Variants in DNAAF1 observed in about 807,000 individuals in gnomAD.
DNAAF1 encodes the protein dynein assembly factor 1, axonemal.
In DNAAF1, 65 loss-of-function variants were observed where a neutral mutation model predicts 71.1. The ratio of observed to expected loss-of-function variants is 0.91; its 90% CI spans 0.75 to 1.12. The LOEUF (loss-of-function observed/expected upper bound fraction) is 1.12, where lower values mean the gene tolerates loss of function less well. Ranked by LOEUF, DNAAF1 falls within the 50% of genes most tolerant of loss-of-function variation. The pLI, the probability that DNAAF1 is intolerant of heterozygous loss-of-function variation, is 0.00. For synonymous variants in DNAAF1, 414 were observed against 354.6 expected, an observed-to-expected ratio of 1.17 and a Z score of -1.88; for missense variants, 1,178 against 899.8, an observed-to-expected ratio of 1.31 and a Z score of -3.96.
intron 2 of DNAAF1, among the ~76,000 whole-genome samples, chr16:84,149,622 C>T (rs185249541): frequency 1.5e-4 from 21 of 140,748 alleles, no homozygotes; most frequent in Admixed American, 9.1e-4. Flanking sequence ...ACCCGGGAGG[C>T]GAAGGTTGCA....
chr16:84,154,819 G>T, intron 4 of DNAAF1, 21 bp downstream of exon 4: 1 of 1,591,716 alleles, frequency 6.3e-7, no homozygotes, highest in Non-Finnish European at 8.6e-7. Context: ...CCAGCAAGCA[G>T]TGTGTCTGTT....
At position 84,165,928 on chromosome 16, in the gene DNAAF1, CAG is replaced by C. The variant is rs1567555007; in HGVS notation, c.1018_1019del (p.Gln341ArgfsTer10). ...IKQRAEERKR[Q>X]RESQERGEMT... ...GCAGCGGGCAGAGGAGAGGAAAAGA[CAG>C]AGAGAGAGTCAAGAGAGAGGTATGC... On this transcript the variant is annotated frameshift_variant, in exon 7 of 12. Transcript: ENST00000378553. LOFTEE classifies it high-confidence loss of function. 6.2e-7 allele frequency: 1 copy of C among 1,612,540 alleles called. No homozygotes were observed. Among genetic ancestry groups the C allele is most frequent in the Non-Finnish European group, 8.5e-7 (1 of 1,179,784 alleles).
intron 9 of DNAAF1, chr16:84,173,112 T>G (rs1348213386): frequency 1.0e-6 from 1 of 986,052 alleles, no homozygotes; most frequent in Non-Finnish European, 1.2e-6. Context: ...TTGTTAAACT[T>G]CTTCTAAACT....
intron 6 of DNAAF1, chr16:84,162,050 C>G (rs563285670): frequency 6.6e-6 from 1 of 152,316 alleles, no homozygotes; most frequent in East Asian, 1.9e-4. Flanking sequence ...GGATTTCTTA[C>G]TGTGTGGTAA....
chr16:84,149,815 A>G (rs2087099268), intron 2 of DNAAF1, among the ~76,000 whole-genome samples: 1 of 152,184 alleles, frequency 6.6e-6, no homozygotes, highest in Middle Eastern at 3.4e-3. Context: ...ACCTGACGTC[A>G]GGAGTTCAAG....
At chr16:84,156,125 G>C (rs1324075113) in intron 5 of DNAAF1, among the ~76,000 whole-genome samples, 2 of 152,098 alleles carry the variant, frequency 1.3e-5, no homozygotes, top group Non-Finnish European at 2.9e-5. Context: ...ATCACACCCA[G>C]CTAATTTTTG....
Position 84,159,725 on chromosome 16 carries a change from C to T in DNAAF1, c.792C>T (p.Tyr264=). 1 of 1,613,996 alleles carries T rather than the reference C, an allele frequency of 6.2e-7. No homozygotes were observed. The highest frequency in any genetic ancestry group is 8.5e-7 in the Non-Finnish European group (1 of 1,179,912). Residue 264 remains tyrosine (Y), a synonymous_variant, in exon 6 of 12, where the codon TAC becomes TAT. Coordinates refer to ENST00000378553, the MANE Select transcript of DNAAF1 (RefSeq NM_178452.6). ...CGGTTATCAGACAGATTCCTAATTA[C>T]AGAAGGACAGTCACTGTACGACTAA... The part of the protein sequence containing the change: ...GNPVIRQIPN[Y]RRTVTVRLKH...
At chr16:84,168,277 C>G (rs2088129922) in intron 7 of DNAAF1, among the ~76,000 whole-genome samples, 1 of 152,170 alleles carries the variant, frequency 6.6e-6, no homozygotes. Flanking sequence ...GCTCCTGCCT[C>G]CCTATTCTGA....
rs148387367 is a variant in DNAAF1 at position 84,172,298 on chromosome 16, G to C, written c.1567G>C (p.Val523Leu). 31 of 1,614,174 alleles carry C rather than the reference G, an allele frequency of 1.9e-5. No homozygotes were observed. Among genetic ancestry groups the C allele is most frequent in the Non-Finnish European group, 2.5e-5 (29 of 1,180,026 alleles). The change falls in exon 9 of 12, where the codon GTT becomes CTT. Residue 523 changes from valine (V) to leucine (L), a missense_variant. Physicochemically the swap from Val to Leu is conservative, Grantham distance 32. Coordinates refer to ENST00000378553, the MANE Select transcript of DNAAF1 (RefSeq NM_178452.6). ...GGCTGTGGCCACTGAGGGTGTATTC[G>C]TTACAGAACTTGATGGAACGAGAAC... ...PQAVATEGVFVTELDGTRTED... is the reference protein window; with the variant it reads ...PQAVATEGVFLTELDGTRTED...
intron 5 of DNAAF1, 130 bp downstream of exon 5, chr16:84,155,879 CTT>C (rs901767394): frequency 2.7e-5 from 34 of 1,263,956 alleles, no homozygotes; most frequent in African/African-American, 2.5e-4. Context: ...CTTTTTTCCT[CTT>C]TGTGTTTTTA....
Position 84,170,358 on chromosome 16 carries a change from T to C in DNAAF1, c.1528+2T>C, listed in dbSNP as rs569633512. On this transcript the variant is annotated splice_donor_variant, in intron 8 of 11. Coordinates refer to ENST00000378553, the MANE Select transcript of DNAAF1 (RefSeq NM_178452.6). LOFTEE classifies it high-confidence loss of function. Reference sequence around the variant, plus strand: ...CGCCCCTGGGAGCTGCCAGGGAAGGTAATGTGAGCGGAGAAACACACACAG... The same window carrying C: ...CGCCCCTGGGAGCTGCCAGGGAAGGCAATGTGAGCGGAGAAACACACACAG... 7.4e-6 allele frequency: 12 copies of C among 1,613,474 alleles called. No individual in the cohort carries two copies. The highest frequency in any genetic ancestry group is 1.0e-5 in the Non-Finnish European group (12 of 1,180,008).
intron 6 of DNAAF1, 68 bp downstream of exon 6, chr16:84,159,864 T>G: frequency 6.3e-7 from 1 of 1,580,470 alleles, no homozygotes; most frequent in Non-Finnish European, 8.6e-7. Context: ...ATATTAAACT[T>G]TTTAAATTTC....
In DNAAF1 at chr16:84,172,279, G is replaced by T; in HGVS notation, c.1548G>T (p.Val516=). 6.2e-7 allele frequency: 1 copy of T among 1,614,114 alleles called. No individual in the cohort carries two copies. The highest frequency in any genetic ancestry group is 1.1e-5 in the South Asian group (1 of 91,056). Residue 516 remains valine, a synonymous_variant, in exon 9 of 12, where the codon GTG becomes GTT. Transcript: ENST00000378553. The part of the protein sequence containing the change: ...AAREEPTPQA[V]ATEGVFVTEL... ...CTTTAGAACCGACTCCCCAGGCTGTGGCCACTGAGGGTGTATTCGTTACAG... is the reference window on the plus strand; with the variant it reads ...CTTTAGAACCGACTCCCCAGGCTGTTGCCACTGAGGGTGTATTCGTTACAG...
At chr16:84,167,281 A>G (rs1294351970) in intron 7 of DNAAF1, among the ~76,000 whole-genome samples, 3 of 152,044 alleles carry the variant, frequency 2.0e-5, no homozygotes, top group African/African-American at 7.2e-5. Flanking sequence ...GGAGCTTCAT[A>G]CCCTCTCTGG....
At chr16:84,171,879 C>CTT (rs775231302) in intron 8 of DNAAF1, among the ~76,000 whole-genome samples, 59 of 138,900 alleles carry the variant, frequency 4.2e-4, no homozygotes, top group East Asian at 1.9e-3. Flanking sequence ...GGGTTTTTGT[C>CTT]TTTTTTTTTT....
chr16:84,148,596 C>CTCTCTCTCTTTTTTT, intron 1 of DNAAF1, among the ~76,000 whole-genome samples: 4 of 43,574 alleles, frequency 9.2e-5, no homozygotes, highest in African/African-American at 3.7e-4. Flanking sequence ...CTCTCTCTCT[C>CTCTCTCTCTTTTTTT]TTTTTTTTTT....
chr16:84,177,769 C>T lies in DNAAF1; in HGVS notation c.2106C>T (p.Val702=), dbSNP rs765561180. Residue 702 remains valine, a synonymous_variant, in exon 12 of 12, where the codon GTC becomes GTT. Coordinates refer to ENST00000378553, the MANE Select transcript of DNAAF1 (RefSeq NM_178452.6). ...CCGCCACACCCCCAGAGACGTGTGT[C>T]GGAGTTGCCCAGCCCAGCCAAGCTC... ...ESAATPPETC[V]GVAQPSQALP... 23 of 1,613,938 alleles carry T rather than the reference C, an allele frequency of 1.4e-5. No individual in the cohort carries two copies. The highest frequency in any genetic ancestry group is 1.6e-4 in the Middle Eastern group (1 of 6,082).
chr16:84,172,786 T>C, intron 9 of DNAAF1: 1 of 1,077,636 alleles, frequency 9.3e-7, no homozygotes, highest in Non-Finnish European at 1.1e-6. Context: ...ATTGTATCTT[T>C]TCCCCCCTCC....
At chr16:84,154,528 T>C in intron 3 of DNAAF1, 49 bp from the exon 4 acceptor site, 1 of 1,565,144 alleles carries the variant, frequency 6.4e-7, no homozygotes, top group South Asian at 1.1e-5. Context: ...CCGTGACCCC[T>C]CTGCCCTGGG....
Sources: gnomAD v4.1 joint callset for allele counts (sites outside exome capture counted in the v4.1 genomes callset) on GRCh38, gnomAD v4.1.1 for gene constraint, MANE v1.5 for transcripts, NCBI Gene and HGNC (gene_info 2026-07-23, HGNC 2026-07-21) for gene names.